The following FIP1L1 variants were observed in gnomAD, a reference collection of about 807,000 sequenced individuals.
The protein encoded by FIP1L1 is pre-mRNA 3'-end-processing factor FIP1.
FIP1L1 carries 21 observed loss-of-function variants against 84.6 expected under a neutral mutation model. The observed-to-expected ratio is 0.25, with a 90% CI of 0.18 to 0.36. The LOEUF (loss-of-function observed/expected upper bound fraction) is 0.36, where lower values mean the gene tolerates loss of function less well. Among genes scored for constraint, FIP1L1 ranks in the 10% least tolerant of loss-of-function variants. FIP1L1 has a pLI of 1.00. For missense variants in FIP1L1, 526 were observed against 751.1 expected (o/e 0.70, Z 3.50); for synonymous variants, 263 against 242.3 (o/e 1.09, Z -0.80).
At chr4:53,437,156 G>A (rs1769622523) in intron 13 of FIP1L1, among the ~76,000 whole-genome samples, 1 of 151,644 alleles carries the variant, frequency 6.6e-6, no homozygotes, top group African/African-American at 2.4e-5. Flanking sequence ...GCGAAACCCT[G>A]TCTCCACAAA....
intron 9 of FIP1L1, among the ~76,000 whole-genome samples, chr4:53,395,855 C>T (rs536363264): frequency 1.4e-4 from 21 of 151,972 alleles, no homozygotes; most frequent in Non-Finnish European, 2.9e-4. Flanking sequence ...GAATAATGAG[C>T]ACTCATCTTG....
intron 16 of FIP1L1, among the ~76,000 whole-genome samples, chr4:53,456,356 C>A (rs1313982928): frequency 2.0e-5 from 3 of 152,074 alleles, no homozygotes; most frequent in Non-Finnish European, 4.4e-5. Flanking sequence ...AATGTTTAAA[C>A]CACATTTGAT....
At chr4:53,422,712 A>G (rs1170987633) in intron 11 of FIP1L1, among the ~76,000 whole-genome samples, 49 of 150,886 alleles carry the variant, frequency 3.2e-4, no homozygotes, top group Admixed American at 6.0e-4. Flanking sequence ...ATATATATGT[A>G]TATATATATA....
Position 53,459,911 on chromosome 4 carries a change from A to AAGAG in FIP1L1, c.*464_*467dup, listed in dbSNP as rs766040347. 7 of 221,830 alleles carry AAGAG rather than the reference A, an allele frequency of 3.2e-5. No individual in the cohort carries two copies. Among genetic ancestry groups the AAGAG allele is most frequent in the East Asian group, 6.6e-5 (1 of 15,188 alleles). 13.7% of individuals were successfully genotyped at this position (221,830 alleles called of 1,614,324 possible). A position where few individuals can be genotyped will look rare whatever the true frequency, so the allele number is the denominator to read the frequency against. ...CTGTGACACTCTTGCTTAGTATATT[A>AAGAG]AGAGACTCATACATTTTTGATATCA... On this transcript the variant is annotated 3_prime_UTR_variant, in exon 18 of 18. Coordinates refer to ENST00000337488, the MANE Select transcript of FIP1L1 (RefSeq NM_030917.4).
intron 5 of FIP1L1, among the ~76,000 whole-genome samples, chr4:53,386,037 ATT>A (rs1163195461): frequency 1.4e-4 from 20 of 139,400 alleles, no homozygotes; most frequent in Admixed American, 1.4e-4. Context: ...ACAAAATAGC[ATT>A]TTTTTTTTTT....
At chr4:53,447,444 A>T (rs925070581) in intron 15 of FIP1L1, among the ~76,000 whole-genome samples, 2 of 152,000 alleles carry the variant, frequency 1.3e-5, no homozygotes, top group African/African-American at 2.4e-5. Flanking sequence ...TTTCTCCACC[A>T]CCTAGCTTTG....
At chr4:53,427,994 G>T in intron 12 of FIP1L1, 33 bp from the exon 13 acceptor site, 4 of 1,455,606 alleles carry the variant, frequency 2.7e-6, no homozygotes, top group Non-Finnish European at 3.8e-6. Context: ...TAATATTTAT[G>T]CATCTGTTTA....
Position 53,452,891 on chromosome 4 carries a change from G to A in FIP1L1, c.1286-29G>A, listed in dbSNP as rs189281135. 5.4e-5 allele frequency: 85 copies of A among 1,587,292 alleles called. No individual in the cohort carries two copies. In the African/African-American group the frequency reaches 9.3e-4, roughly 17 times the overall value. On this transcript the variant is annotated intron_variant, in intron 15 of 17. Transcript: ENST00000337488. ...TTTTGTTTTTTTAAAGTACCATAAC[G>A]TTTGTTTTTAATCGTGTTTTTTCTT...
At chr4:53,458,581 CT>C in intron 16 of FIP1L1, 71 bp from the exon 17 acceptor site, 1 of 1,497,354 alleles carries the variant, frequency 6.7e-7, no homozygotes, top group South Asian at 1.4e-5. Flanking sequence ...CAGATCACAT[CT>C]CTTTTACAGT....
chr4:53,414,848 G>A (rs1758752604), intron 11 of FIP1L1, 126 bp downstream of exon 11: 1 of 599,936 alleles, frequency 1.7e-6, no homozygotes, highest in Admixed American at 3.1e-5. Context: ...GCTTTTTCAG[G>A]GTACAGTTGT....
At chr4:53,388,419 C>T (rs1742308045) in intron 5 of FIP1L1, among the ~76,000 whole-genome samples, 1 of 152,018 alleles carries the variant, frequency 6.6e-6, no homozygotes, top group Non-Finnish European at 1.5e-5. Flanking sequence ...ACTGCAAGCT[C>T]CGCCTCCTGG....
At chr4:53,411,100 T>A (rs1329117185) in intron 10 of FIP1L1, among the ~76,000 whole-genome samples, 1 of 152,138 alleles carries the variant, frequency 6.6e-6, no homozygotes, top group Non-Finnish European at 1.5e-5. Context: ...TTTATGAAGG[T>A]TAGCTAGAGT....
chr4:53,405,952 A>C (rs1007197534), intron 10 of FIP1L1, among the ~76,000 whole-genome samples: 2 of 152,128 alleles, frequency 1.3e-5, no homozygotes, highest in Non-Finnish European at 2.9e-5. Context: ...CGTCATCTGC[A>C]AACAGGGACA....
rs572545739 is a variant in FIP1L1 at position 53,408,457 on chromosome 4, C to T, written c.816-6158C>T. 8.5e-5 allele frequency among the ~76,000 whole-genome samples: 13 copies of T among 152,298 alleles called. No individual in the cohort carries two copies. The East Asian group carries it at 2.5e-3, about 29-fold the overall frequency. On this transcript the variant is annotated intron_variant, in intron 10 of 17. Transcript: ENST00000337488. ...TTCCTTCATTTCATCTTTGGTGAAT[C>T]TGACGATTATGTGTCTTGGAGTTGC...
intron 15 of FIP1L1, among the ~76,000 whole-genome samples, chr4:53,445,072 T>C (rs1773612866): frequency 6.6e-6 from 1 of 151,988 alleles, no homozygotes; most frequent in Non-Finnish European, 1.5e-5. Flanking sequence ...AGAGGGAACA[T>C]GGTAGGTATT....
intron 10 of FIP1L1, among the ~76,000 whole-genome samples, chr4:53,404,204 C>G (rs1365144234): frequency 7.9e-6 from 1 of 126,886 alleles, no homozygotes; most frequent in Non-Finnish European, 1.6e-5. Flanking sequence ...TGTTCCCCTT[C>G]CTGTGTCCAT....
chr4:53,434,403 G>A (rs548043763), intron 13 of FIP1L1, among the ~76,000 whole-genome samples: 18 of 151,848 alleles, frequency 1.2e-4, no homozygotes, highest in African/African-American at 4.1e-4. Flanking sequence ...GATATCACGA[G>A]TTATGTGGCC....
At chr4:53,395,559 T>A (rs183759210) in intron 9 of FIP1L1, among the ~76,000 whole-genome samples, 158 of 152,326 alleles carry the variant, frequency 1.0e-3, no homozygotes, top group Non-Finnish European at 2.4e-4. Context: ...ATTTAGGTAT[T>A]AATTAAATAA....
rs1721615172 is a variant in FIP1L1 at position 53,460,180 on chromosome 4, T to C, written c.*731T>C. 2 of 197,430 alleles carry C rather than the reference T, an allele frequency of 1.0e-5. No individual in the cohort carries two copies. The highest frequency in any genetic ancestry group is 7.9e-5 in the East Asian group (1 of 12,660). 12.2% of individuals were successfully genotyped at this position (197,430 alleles called of 1,614,324 possible). On this transcript the variant is annotated 3_prime_UTR_variant, in exon 18 of 18. Transcript: ENST00000337488. Reference sequence around the variant, plus strand: ...CCAGGGTCAAGCTGGTTTGGCCTTCTTGATGCATTTTCCAAGGCCCACTGG... The same window carrying C: ...CCAGGGTCAAGCTGGTTTGGCCTTCCTGATGCATTTTCCAAGGCCCACTGG...
Sources: gnomAD v4.1 joint callset for allele counts (sites outside exome capture counted in the v4.1 genomes callset) on GRCh38, gnomAD v4.1.1 for gene constraint, MANE v1.5 for transcripts, NCBI Gene and HGNC (gene_info 2026-07-23, HGNC 2026-07-21) for gene names.